MAP3K15: variants seen among roughly 807,000 people sequenced by gnomAD.
The protein encoded by MAP3K15 is mitogen-activated protein kinase kinase kinase 15.
A neutral mutation model predicts 99.5 loss-of-function variants in MAP3K15; 124 were observed. The observed-to-expected ratio is 1.25, with a 90% confidence interval of 1.08 to 1.45. The LOEUF (loss-of-function observed/expected upper bound fraction) is 1.45. Among genes scored for constraint, MAP3K15 ranks in the 40% most tolerant of loss-of-function variants. The probability of loss-of-function intolerance (pLI) is 0.00; values close to 1 mark genes in which losing one functional copy is unlikely to be tolerated. For missense variants in MAP3K15, 1,242 were observed against 1,079.7 expected (o/e 1.15, Z -2.11); for synonymous variants, 494 against 439.6 (o/e 1.12, Z -1.55).
At chrX:19,473,081 A>G (rs1429799365) in intron 3 of MAP3K15, among the ~76,000 whole-genome samples, 2 of 112,251 alleles carry the variant, frequency 1.8e-5, no homozygotes, top group Admixed American at 1.9e-4. Context: ...TTAGAGAAAA[A>G]TAAGGAGAAA....
Position 19,431,368 on chromosome X carries a change from A to G in MAP3K15, c.1166+70T>C, listed in dbSNP as rs1048302123. The G allele has an allele frequency of 4.0e-6, 4 of 988,082 alleles. No individual in the cohort carries two copies. In the Admixed American group the frequency reaches 9.9e-5, roughly 24 times the overall value. The allele number at this position is 988,082 out of a possible 1,213,427, so 81.4% of individuals were successfully genotyped here. A position where few individuals can be genotyped will look rare whatever the true frequency, so the allele number is the denominator to read the frequency against. On this transcript the variant is annotated intron_variant, in intron 7 of 28. Coordinates refer to ENST00000338883, the MANE Select transcript of MAP3K15 (RefSeq NM_001001671.4). ...AGACATATACATAAGGAAGAGATGC[A>G]CATCCTTAGCCTATGCGATTCTGTT...
At chrX:19,458,422 T>C (rs1468293538) in intron 5 of MAP3K15, among the ~76,000 whole-genome samples, 2 of 112,293 alleles carry the variant, frequency 1.8e-5, no homozygotes, top group African/African-American at 6.5e-5. Flanking sequence ...CTCACGCCTG[T>C]AATCCCAGCA....
chrX:19,366,941 T>C (rs747247596), intron 25 of MAP3K15, among the ~76,000 whole-genome samples: 2 of 111,834 alleles, frequency 1.8e-5, no homozygotes, highest in African/African-American at 6.5e-5. Flanking sequence ...TTTTATGAAT[T>C]TGGTGATTAT....
At chrX:19,386,222 G>A (rs1001598605) in intron 18 of MAP3K15, among the ~76,000 whole-genome samples, 2 of 111,593 alleles carry the variant, frequency 1.8e-5, no homozygotes, top group Non-Finnish European at 1.9e-5. Context: ...TTGGGAGGCC[G>A]AAGCAGGTGG....
In MAP3K15 at chrX:19,403,518, G is replaced by T. The variant is rs2063624726; in HGVS notation, c.1845-2855C>A. Among the ~76,000 whole-genome samples the T allele has an allele frequency of 2.9e-5, 3 of 103,629 alleles. No homozygotes were observed. The Admixed American group carries it at 3.1e-4, about 11-fold the overall frequency. 90.0% of individuals were successfully genotyped at this position (103,629 alleles called of 115,157 possible). A position where few individuals can be genotyped will look rare whatever the true frequency, so the allele number is the denominator to read the frequency against. On this transcript the variant is annotated intron_variant, in intron 13 of 28. Coordinates refer to ENST00000338883, the MANE Select transcript of MAP3K15 (RefSeq NM_001001671.4). ...CTGTCGCCCAGGCTGGAGTGCAGTG[G>T]CATGATCACCACTCACCACAGCCTC...
chrX:19,362,003 G>A (rs1207247167), intron 26 of MAP3K15, among the ~76,000 whole-genome samples: 1 of 111,400 alleles, frequency 9.0e-6, no homozygotes, highest in Admixed American at 9.6e-5. Flanking sequence ...GGCCCAAAAC[G>A]AATGTCAGGT....
At chrX:19,417,424 C>T (rs111321252) in intron 9 of MAP3K15, among the ~76,000 whole-genome samples, 7,847 of 111,880 alleles carry the variant, frequency 0.07, 680 homozygotes, top group African/African-American at 0.24. Context: ...GAGGGTCCTA[C>T]GCCCAGAGCC....
chrX:19,497,409 G>GC (rs765741581), intron 1 of MAP3K15: 2 of 111,242 alleles, frequency 1.8e-5, no homozygotes, highest in Non-Finnish European at 3.8e-5. Flanking sequence ...TGATCCGCCT[G>GC]CCTCAGCCTC....
At chrX:19,423,042 G>A (rs1471218193) in intron 9 of MAP3K15, among the ~76,000 whole-genome samples, 3 of 107,570 alleles carry the variant, frequency 2.8e-5, no homozygotes, top group African/African-American at 1.0e-4. Context: ...GTGGGGGCGG[G>A]GGAGGGTTAG....
chrX:19,370,742 CCTT>C (rs2063368421), intron 24 of MAP3K15, among the ~76,000 whole-genome samples: 1 of 111,566 alleles, frequency 9.0e-6, no homozygotes, highest in Non-Finnish European at 1.9e-5. Flanking sequence ...TGTGTAGTCA[CCTT>C]CATCATGCTT....
intron 25 of MAP3K15, among the ~76,000 whole-genome samples, chrX:19,366,597 T>C (rs977821408): frequency 8.9e-6 from 1 of 111,824 alleles, no homozygotes; most frequent in African/African-American, 3.3e-5. Context: ...GAAAACCCCT[T>C]CCGCCTGGTT....
At chrX:19,444,373 G>A (rs1328748802) in intron 6 of MAP3K15, among the ~76,000 whole-genome samples, 2 of 111,531 alleles carry the variant, frequency 1.8e-5, no homozygotes, top group Non-Finnish European at 3.8e-5. Context: ...AGGGATCACA[G>A]GAGAGTTTTC....
chrX:19,427,939 T>C (rs915785713), intron 7 of MAP3K15, among the ~76,000 whole-genome samples: 3 of 110,660 alleles, frequency 2.7e-5, no homozygotes, highest in African/African-American at 9.9e-5. Context: ...CTGTGTGTTT[T>C]GGGAATTTTA....
At chrX:19,360,887 TA>T in intron 28 of MAP3K15, 54 bp from the exon 29 acceptor site, 1 of 903,062 alleles carries the variant, frequency 1.1e-6, no homozygotes, top group Non-Finnish European at 1.6e-6. Flanking sequence ...CAACAGAGCT[TA>T]AAACTGCAGT....
intron 10 of MAP3K15, among the ~76,000 whole-genome samples, chrX:19,413,677 T>TGGGGG (rs377184850): frequency 1.3e-4 from 2 of 15,857 alleles, no homozygotes; most frequent in African/African-American, 6.1e-4. Context: ...TGCCATCTCT[T>TGGGGG]GGGGGGGGGG....
At chrX:19,400,273 TC>T (rs1602273374) in intron 14 of MAP3K15, among the ~76,000 whole-genome samples, 2 of 112,397 alleles carry the variant, frequency 1.8e-5, no homozygotes, top group Admixed American at 9.5e-5. Context: ...CAACTAATTC[TC>T]TTGTAGTCTC....
intron 1 of MAP3K15, among the ~76,000 whole-genome samples, chrX:19,490,277 T>C (rs1339925611): frequency 9.0e-6 from 1 of 111,174 alleles, no homozygotes; most frequent in Non-Finnish European, 1.9e-5. Flanking sequence ...ATTCTTCAGC[T>C]TGCTATTTTT....
At chrX:19,401,077 C>T (rs901910927) in intron 13 of MAP3K15, among the ~76,000 whole-genome samples, 1 of 111,933 alleles carries the variant, frequency 8.9e-6, no homozygotes, top group African/African-American at 3.2e-5. Flanking sequence ...ATTAGAAGTG[C>T]ACATAATTTT....
chrX:19,450,612 A>AT (rs1410947063), intron 6 of MAP3K15, among the ~76,000 whole-genome samples: 4 of 109,094 alleles, frequency 3.7e-5, no homozygotes, highest in Non-Finnish European at 7.8e-5. Flanking sequence ...TGAAAACGTG[A>AT]TTTTTTAAAA....
Sources: gnomAD v4.1 joint callset for allele counts (sites outside exome capture counted in the v4.1 genomes callset) on GRCh38, gnomAD v4.1.1 for gene constraint, MANE v1.5 for transcripts, NCBI Gene and HGNC (gene_info 2026-07-23, HGNC 2026-07-21) for gene names.